SYT1: variants seen among roughly 807,000 people sequenced by gnomAD.
SYT1 encodes the protein synaptotagmin-1.
Under a neutral mutation model 44.8 loss-of-function variants are expected in SYT1, and 8 were observed. That is an observed-to-expected ratio of 0.18 (90% CI 0.10 to 0.32). The LOEUF is 0.32. Ranked by LOEUF, SYT1 falls within the 10% of genes least tolerant of loss-of-function variation. SYT1 has a pLI of 1.00. For synonymous variants in SYT1, 154 were observed against 188.8 expected (o/e 0.82, Z 1.51); for missense variants, 286 against 509.3 (o/e 0.56, Z 4.22).
intron 8 of SYT1, among the ~76,000 whole-genome samples, chr12:79,303,532 G>A (rs1299075694): frequency 6.6e-6 from 1 of 151,962 alleles, no homozygotes. Context: ...TTGGTAAAGA[G>A]TGATTTTTAA....
chr12:79,156,273 T>G (rs1870585826), intron 3 of SYT1, among the ~76,000 whole-genome samples: 1 of 152,154 alleles, frequency 6.6e-6, no homozygotes. Context: ...TGACCTCATT[T>G]TAATCAGGGA....
In SYT1 at chr12:79,395,781, G is replaced by C. The variant is rs200977218; in HGVS notation, c.928+42162G>C. Reference sequence around the variant, plus strand: ...CACTTTACTTAGAGCATAATAAAAGGGGGAAAAGAATATAGAAATATCAAA... The same window carrying C: ...CACTTTACTTAGAGCATAATAAAAGCGGGAAAAGAATATAGAAATATCAAA... On this transcript the variant is annotated intron_variant, in intron 9 of 10. Transcript: ENST00000261205. 1.1e-4 allele frequency among the ~76,000 whole-genome samples: 17 copies of C among 149,784 alleles called. No homozygotes were observed. The East Asian group carries it at 3.5e-3, about 31-fold the overall frequency.
chr12:78,923,206 G>C (rs1877106247), intron 1 of SYT1, among the ~76,000 whole-genome samples: 1 of 151,926 alleles, frequency 6.6e-6, no homozygotes, highest in Admixed American at 6.6e-5. Flanking sequence ...TTGAGCACTT[G>C]GTATGTGGCT....
intron 4 of SYT1, among the ~76,000 whole-genome samples, chr12:79,280,412 A>G (rs929420784): frequency 1.3e-5 from 2 of 152,146 alleles, no homozygotes; most frequent in African/African-American, 4.8e-5. Context: ...TCGATATCCT[A>G]TTCAACAAAT....
intron 1 of SYT1, among the ~76,000 whole-genome samples, chr12:78,942,269 A>C (rs1324124616): frequency 6.6e-6 from 1 of 152,228 alleles, no homozygotes; most frequent in Admixed American, 6.5e-5. Context: ...ACTGCTTCCC[A>C]TGATCACATG....
chr12:78,989,883 C>CCCAAAAATACA (rs1869901870), intron 2 of SYT1, among the ~76,000 whole-genome samples: 1 of 151,930 alleles, frequency 6.6e-6, no homozygotes, highest in African/African-American at 2.4e-5. Flanking sequence ...AGATGATGTC[C>CCCAAAAATACA]CCAAAAATAC....
At chr12:78,992,606 A>C (rs1335073776) in intron 2 of SYT1, among the ~76,000 whole-genome samples, 3 of 152,224 alleles carry the variant, frequency 2.0e-5, no homozygotes, top group African/African-American at 7.2e-5. Flanking sequence ...TTTTCCAAAA[A>C]TGTTTAAAAG....
intron 8 of SYT1, among the ~76,000 whole-genome samples, chr12:79,321,491 T>G (rs1881356749): frequency 2.0e-5 from 3 of 152,194 alleles, no homozygotes; most frequent in Non-Finnish European, 1.5e-5. Context: ...CTATTTAAAT[T>G]AGCATACAGG....
intron 8 of SYT1, among the ~76,000 whole-genome samples, chr12:79,324,935 T>C (rs1282077865): frequency 6.6e-6 from 1 of 152,204 alleles, no homozygotes; most frequent in Non-Finnish European, 1.5e-5. Flanking sequence ...TAATCCAAAA[T>C]ACTTCCTTGA....
intron 1 of SYT1, among the ~76,000 whole-genome samples, chr12:78,890,715 T>C (rs989147431): frequency 2.0e-5 from 3 of 151,798 alleles, no homozygotes; most frequent in African/African-American, 7.3e-5. Flanking sequence ...TGGACTCATT[T>C]TCCCCAGAAA....
chr12:79,046,051 T>C (rs1874027684), intron 2 of SYT1, among the ~76,000 whole-genome samples: 1 of 152,186 alleles, frequency 6.6e-6, no homozygotes, highest in South Asian at 2.1e-4. Context: ...AAATTGATTA[T>C]GGCTCTAAGT....
intron 3 of SYT1, among the ~76,000 whole-genome samples, chr12:79,102,332 A>G (rs1326972303): frequency 6.6e-6 from 1 of 151,460 alleles, no homozygotes; most frequent in Non-Finnish European, 1.5e-5. Context: ...TTCCTGGTAC[A>G]TACCAACTTT....
Position 79,351,550 on chromosome 12 carries a change from G to A in SYT1, c.811-1952G>A, listed in dbSNP as rs1484710594. Among the ~76,000 whole-genome samples, 22 of 147,640 alleles carry A rather than the reference G, an allele frequency of 1.5e-4. 1 individual carries two copies. The highest frequency in any genetic ancestry group is 3.0e-4 in the African/African-American group (12 of 40,264). On this transcript the variant is annotated intron_variant, in intron 8 of 10. Coordinates refer to ENST00000261205, the MANE Select transcript of SYT1 (RefSeq NM_005639.3). ...CAGAATTCTGCGAAAAAAAAAAAAAGAGCCCTCCTCCTAACGAGCATTTTG... is the reference window on the plus strand; with the variant it reads ...CAGAATTCTGCGAAAAAAAAAAAAAAAGCCCTCCTCCTAACGAGCATTTTG...
chr12:79,158,360 G>A (rs1870729515), intron 3 of SYT1, among the ~76,000 whole-genome samples: 1 of 152,014 alleles, frequency 6.6e-6, no homozygotes. Flanking sequence ...AGTATCTAAT[G>A]TCACTGCTGA....
chr12:78,943,430 A>G (rs1380716456), intron 1 of SYT1, among the ~76,000 whole-genome samples: 1 of 152,164 alleles, frequency 6.6e-6, no homozygotes, highest in African/African-American at 2.4e-5. Flanking sequence ...GTGAGGGGCA[A>G]GGGAGGTGCC....
At chr12:79,416,753 T>C (rs1248179040) in intron 9 of SYT1, among the ~76,000 whole-genome samples, 1 of 152,200 alleles carries the variant, frequency 6.6e-6, no homozygotes, top group Non-Finnish European at 1.5e-5. Context: ...AGCAAACTAT[T>C]TGAAATGCAT....
intron 3 of SYT1, among the ~76,000 whole-genome samples, chr12:79,169,984 T>C (rs1217031982): frequency 2.6e-5 from 4 of 152,114 alleles, no homozygotes; most frequent in Non-Finnish European, 5.9e-5. Context: ...TTGCTAAGGT[T>C]AATGGCCTTC....
chr12:79,448,578 G>A (rs141026257), intron 10 of SYT1, among the ~76,000 whole-genome samples: 100 of 152,234 alleles, frequency 6.6e-4, no homozygotes, highest in Middle Eastern at 6.8e-3. Flanking sequence ...TGGCATGGAG[G>A]TTCACAGCAT....
chr12:79,378,755 T>C (rs572749029), intron 9 of SYT1, among the ~76,000 whole-genome samples: 3 of 152,306 alleles, frequency 2.0e-5, no homozygotes, highest in Admixed American at 6.5e-5. Flanking sequence ...GATTGGAATC[T>C]AGGTCAGTAG....
Sources: gnomAD v4.1 joint callset for allele counts (sites outside exome capture counted in the v4.1 genomes callset) on GRCh38, gnomAD v4.1.1 for gene constraint, MANE v1.5 for transcripts, NCBI Gene and HGNC (gene_info 2026-07-23, HGNC 2026-07-21) for gene names.